MICAL2: variants seen among roughly 807,000 people sequenced by gnomAD.
MICAL2 encodes the protein microtubule associated monooxygenase, calponin and LIM domain containing 2.
A neutral mutation model predicts 127.3 loss-of-function variants in MICAL2; 77 were observed. That is an observed-to-expected ratio of 0.60 (90% confidence interval 0.50 to 0.73). MICAL2 has a LOEUF of 0.73. Ranked by LOEUF, MICAL2 falls within the 30% of genes least tolerant of loss-of-function variation. The probability of loss-of-function intolerance (pLI) is 0.00; values close to 1 mark genes in which losing one functional copy is unlikely to be tolerated. For missense variants in MICAL2, 1,351 were observed against 1,434.4 expected (o/e 0.94, Z 0.94); for synonymous variants, 570 against 551.1 (o/e 1.03, Z -0.48).
rs184674171 is a variant in MICAL2 at position 12,211,169 on chromosome 11, C to G, written c.691+1571C>G. Among the ~76,000 whole-genome samples the G allele has an allele frequency of 5.8e-3, 876 of 152,264 alleles. 9 individuals carry two copies. Among genetic ancestry groups the G allele is most frequent in the African/African-American group, 0.02 (832 of 41,556 alleles). On this transcript the variant is annotated intron_variant, in intron 6 of 27. Transcript: ENST00000683283. ...CTGAGGTGGGCGGATCACCTGAGGTCAGGAGATCGAGACCATCCTGGCTAA... is the reference window on the plus strand; with the variant it reads ...CTGAGGTGGGCGGATCACCTGAGGTGAGGAGATCGAGACCATCCTGGCTAA...
At chr11:12,168,216 TAC>T (rs1475960991) in intron 3 of MICAL2, among the ~76,000 whole-genome samples, 9 of 149,390 alleles carry the variant, frequency 6.0e-5, no homozygotes, top group Non-Finnish European at 1.2e-4. Flanking sequence ...GTCACACATA[TAC>T]ACACATACAC....
At chr11:12,140,258 A>G (rs951985982) in intron 2 of MICAL2, among the ~76,000 whole-genome samples, 1 of 152,162 alleles carries the variant, frequency 6.6e-6, no homozygotes, top group Non-Finnish European at 1.5e-5. Flanking sequence ...AGGTCATTTC[A>G]TCTTCATGAT....
At chr11:12,204,483 C>T (rs1373752780) in intron 4 of MICAL2, 26 bp downstream of exon 4, 2 of 1,609,056 alleles carry the variant, frequency 1.2e-6, no homozygotes, top group East Asian at 2.2e-5. Flanking sequence ...GGTGATATCC[C>T]ATGAAGGGAG....
chr11:12,305,500 CA>C (rs1565300288), intron 29 of MICAL2, among the ~76,000 whole-genome samples: 1 of 122,360 alleles, frequency 8.2e-6, no homozygotes, highest in Admixed American at 8.3e-5. Context: ...TTTACTACTA[CA>C]TTTTTTTACT....
intron 2 of MICAL2, among the ~76,000 whole-genome samples, chr11:12,158,823 A>G (rs541837805): frequency 6.4e-4 from 98 of 152,344 alleles, no homozygotes; most frequent in Non-Finnish European, 1.1e-3. Flanking sequence ...TGGATGAGGT[A>G]ACTTGCCTAG....
chr11:12,117,459 G>C (rs959091685), intron 1 of MICAL2, among the ~76,000 whole-genome samples: 8 of 152,224 alleles, frequency 5.3e-5, no homozygotes, highest in Admixed American at 5.2e-4. Context: ...TTGTTCCCAC[G>C]ACTCTGAATG....
intron 3 of MICAL2, among the ~76,000 whole-genome samples, chr11:12,202,802 A>G (rs1013151459): frequency 3.3e-5 from 5 of 152,232 alleles, no homozygotes; most frequent in Non-Finnish European, 7.3e-5. Flanking sequence ...AAATTATGAC[A>G]CAATTCACAT....
chr11:12,298,696 A>G (rs1306970572), intron 29 of MICAL2, among the ~76,000 whole-genome samples: 1 of 152,136 alleles, frequency 6.6e-6, no homozygotes, highest in Non-Finnish European at 1.5e-5. Context: ...AGTATTTTTA[A>G]TCACAGATGG....
chr11:12,259,801 G>A lies in MICAL2; in HGVS notation c.3238G>A (p.Ala1080Thr), dbSNP rs750902979. 2.5e-5 allele frequency: 39 copies of A among 1,540,732 alleles called. No homozygotes were observed. Among genetic ancestry groups the A allele is most frequent in the Non-Finnish European group, 3.2e-5 (37 of 1,141,776 alleles). Residue 1080 changes from alanine (A) to threonine (T), a missense_variant, in exon 26 of 28, where the codon GCA (alanine) becomes ACA (threonine). Ala to Thr is a moderately conservative substitution (Grantham distance 58). Around this residue, in one of 2 missense-constraint regions of MICAL2, gnomAD observed 752 missense variants for 719.4 expected, o/e 1.05. Transcript: ENST00000683283. Reference sequence around the variant, plus strand: ...ATTTCCATCTCTTTCTCAGGAGGAGGCAACATGGCAAGAGCAGGAAGCCCC... The same window carrying A: ...ATTTCCATCTCTTTCTCAGGAGGAGACAACATGGCAAGAGCAGGAAGCCCC... ...AELKQQREEE[A>T]TWQEQEAPRR... is the part of the protein sequence containing the mutation.
chr11:12,239,314 C>T, intron 16 of MICAL2, 122 bp from the exon 17 acceptor site: 2 of 1,373,314 alleles, frequency 1.5e-6, no homozygotes, highest in South Asian at 1.2e-5. Flanking sequence ...TGCCTCCCTT[C>T]CTCAGACCAT....
chr11:12,145,936 T>G (rs1852854375), intron 2 of MICAL2, among the ~76,000 whole-genome samples: 1 of 152,206 alleles, frequency 6.6e-6, no homozygotes, highest in East Asian at 1.9e-4. Flanking sequence ...CAACAAAGCT[T>G]CTGTAATTGT....
At chr11:12,349,275 C>T (rs1237045944) in intron 32 of MICAL2, among the ~76,000 whole-genome samples, 3 of 152,128 alleles carry the variant, frequency 2.0e-5, no homozygotes, top group African/African-American at 7.2e-5. Flanking sequence ...ACTTTTCCCC[C>T]ATGAGACACA....
In MICAL2 at chr11:12,279,913, C is replaced by T. The variant is rs1163452617; in HGVS notation, c.88-1020C>T. 3.3e-5 allele frequency among the ~76,000 whole-genome samples: 5 copies of T among 152,336 alleles called. No individual in the cohort carries two copies. The East Asian group carries it at 7.7e-4, about 23-fold the overall frequency. On this transcript the variant is annotated intron_variant, in intron 1 of 2. Coordinates refer to the MICAL2 transcript ENST00000529028. Reference sequence around the variant, plus strand: ...GGCACTCTGATGGATAGGGGGTCTGCCATAGACACAGGTGGACGAGTGGCA... The same window carrying T: ...GGCACTCTGATGGATAGGGGGTCTGTCATAGACACAGGTGGACGAGTGGCA...
At chr11:12,259,692 T>C in intron 25 of MICAL2, 103 bp from the exon 26 acceptor site, 1 of 1,045,566 alleles carries the variant, frequency 9.6e-7, no homozygotes, top group Admixed American at 2.9e-5. Context: ...TGGGGGCTGG[T>C]TGCAGGGTCT....
rs73418150 is a variant in MICAL2, at chr11:12,235,090, C to A, written c.1996-1087C>A. On this transcript the variant is annotated intron_variant, in intron 15 of 27. Transcript: ENST00000683283. ...GAACTAGCCATTTGGAGAAGGCTCC[C>A]GTGGCTGAAGACTGGTAGCAGAGAG... is the stretch of plus-strand genomic sequence containing the variant. Among the ~76,000 whole-genome samples the A allele has an allele frequency of 3.3e-3, 499 of 152,222 alleles. 3 individuals are homozygous for A. The highest frequency in any genetic ancestry group is 0.012 in the African/African-American group (478 of 41,520).
At chr11:12,191,194 GTGGCCCACGCC>G (rs1239334770) in intron 3 of MICAL2, among the ~76,000 whole-genome samples, 1 of 152,224 alleles carries the variant, frequency 6.6e-6, no homozygotes, top group Non-Finnish European at 1.5e-5. Flanking sequence ...GCCGGGTGCG[GTGGCCCACGCC>G]TGTAATCCCA....
intron 32 of MICAL2, among the ~76,000 whole-genome samples, chr11:12,346,787 A>G (rs1336739830): frequency 6.6e-6 from 1 of 152,214 alleles, no homozygotes; most frequent in Non-Finnish European, 1.5e-5. Context: ...GTCCGGCACC[A>G]CTAACAATGC....
chr11:12,151,334 C>T (rs543294152), intron 2 of MICAL2, among the ~76,000 whole-genome samples: 4 of 151,902 alleles, frequency 2.6e-5, no homozygotes, highest in Non-Finnish European at 5.9e-5. Flanking sequence ...AATGACGGAC[C>T]CGGTTGTTAT....
downstream of MICAL2, among the ~76,000 whole-genome samples, chr11:12,266,984 G>T (rs1208574242): frequency 1.3e-5 from 2 of 152,200 alleles, no homozygotes; most frequent in African/African-American, 4.8e-5. Context: ...GATTAACTGG[G>T]GCTCAGAACG....
Sources: allele counts gnomAD v4.1 joint callset (sites outside exome capture counted in the v4.1 genomes callset), GRCh38; gene constraint gnomAD v4.1.1; regional missense constraint gnomAD v4.1.1; transcripts MANE v1.5; gene names NCBI Gene and HGNC (gene_info 2026-07-23, HGNC 2026-07-21).